Variants in CDK17 observed in about 807,000 individuals in gnomAD.
CDK17 encodes cyclin dependent kinase 17.
CDK17 carries 24 observed loss-of-function variants against 77.6 expected under a neutral mutation model. The observed-to-expected ratio is 0.31, with a 90% CI of 0.22 to 0.44. CDK17 has a LOEUF of 0.44. CDK17 is among the 20% of genes least tolerant of loss of function. The pLI is 1.00. For synonymous variants in CDK17, 203 were observed against 210.4 expected, an observed-to-expected ratio of 0.96 and a Z score of 0.30; for missense variants, 429 against 622.5, an observed-to-expected ratio of 0.69 and a Z score of 3.31.
chr12:96,295,975 C>CA (rs1278180051), intron 9 of CDK17, among the ~76,000 whole-genome samples: 1 of 152,172 alleles, frequency 6.6e-6, no homozygotes, highest in East Asian at 1.9e-4. Context: ...GGCATCCGAA[C>CA]ACTGAGGCAG....
intron 11 of CDK17, among the ~76,000 whole-genome samples, chr12:96,287,696 C>A (rs1952264826): frequency 6.6e-6 from 1 of 151,850 alleles, no homozygotes; most frequent in Non-Finnish European, 1.5e-5. Context: ...AAAGCAGGGT[C>A]CTGAAAAGGT....
chr12:96,346,110 G>A (rs959053750), intron 1 of CDK17, among the ~76,000 whole-genome samples: 1 of 152,162 alleles, frequency 6.6e-6, no homozygotes, highest in African/African-American at 2.4e-5. Flanking sequence ...GTGAGGTCAG[G>A]AGTTCAAGAC....
chr12:96,354,492 C>T (rs1015697692), intron 1 of CDK17, among the ~76,000 whole-genome samples: 3 of 152,186 alleles, frequency 2.0e-5, no homozygotes, highest in African/African-American at 2.4e-5. Flanking sequence ...CAATGCATCA[C>T]CAAAGCCTTC....
chr12:96,305,725 C>CT (rs566356134), intron 5 of CDK17, among the ~76,000 whole-genome samples: 1,539 of 150,974 alleles, frequency 0.01, 43 homozygotes, highest in Admixed American at 0.061. Flanking sequence ...TGGCCACCCC[C>CT]TTTTTTTTTG....
At chr12:96,350,837 CA>C (rs1314619312) in intron 1 of CDK17, among the ~76,000 whole-genome samples, 2 of 151,822 alleles carry the variant, frequency 1.3e-5, no homozygotes, top group Non-Finnish European at 2.9e-5. Context: ...GCACAGGCAA[CA>C]ACAAAAAAGA....
Position 96,330,726 on chromosome 12 carries a change from C to A in CDK17, c.118+3993G>T, listed in dbSNP as rs75578642. 3.9e-5 allele frequency among the ~76,000 whole-genome samples: 6 copies of A among 152,238 alleles called. No individual in the cohort carries two copies. The East Asian group carries it at 1.2e-3, about 29-fold the overall frequency. On this transcript the variant is annotated intron_variant, in intron 2 of 16. Transcript: ENST00000261211. ...ATAATATTCCATTCTATGGACAGACCACATTCTGTTTATCCATTCATCTGT... is the reference window on the plus strand; with the variant it reads ...ATAATATTCCATTCTATGGACAGACAACATTCTGTTTATCCATTCATCTGT...
intron 1 of CDK17, among the ~76,000 whole-genome samples, chr12:96,337,852 A>T (rs540205798): frequency 2.6e-5 from 4 of 152,284 alleles, no homozygotes; most frequent in African/African-American, 9.6e-5. Flanking sequence ...ATAACTAGGG[A>T]GGCTTGGGGT....
At chr12:96,373,454 C>A (rs372292036) in intron 1 of CDK17, among the ~76,000 whole-genome samples, 4 of 151,894 alleles carry the variant, frequency 2.6e-5, no homozygotes, top group African/African-American at 9.7e-5. Context: ...ATTAGCCGGG[C>A]GTGGTGGCAG....
At chr12:96,365,337 T>C (rs1281495394) in intron 1 of CDK17, among the ~76,000 whole-genome samples, 1 of 152,142 alleles carries the variant, frequency 6.6e-6, no homozygotes, top group Non-Finnish European at 1.5e-5. Context: ...AACAATTCTA[T>C]GAAGTAAAAA....
chr12:96,333,108 TA>T (rs1271357000), intron 2 of CDK17, among the ~76,000 whole-genome samples: 1 of 151,920 alleles, frequency 6.6e-6, no homozygotes, highest in Non-Finnish European at 1.5e-5. Flanking sequence ...CCTTCTATCC[TA>T]AGAGTAGGCA....
At chr12:96,316,019 G>A (rs1237596739) in intron 3 of CDK17, among the ~76,000 whole-genome samples, 2 of 152,216 alleles carry the variant, frequency 1.3e-5, no homozygotes, top group East Asian at 1.9e-4. Flanking sequence ...GAAGACGGGT[G>A]ATTTCTGCAT....
chr12:96,386,734 G>T (rs1953982622), intron 1 of CDK17: 1 of 152,290 alleles, frequency 6.6e-6, no homozygotes, highest in Non-Finnish European at 1.5e-5. Context: ...TTTTTTGATA[G>T]AAAAAAATTT....
chr12:96,330,437 A>C (rs1285632707), intron 2 of CDK17, among the ~76,000 whole-genome samples: 7 of 152,200 alleles, frequency 4.6e-5, no homozygotes, highest in African/African-American at 1.7e-4. Context: ...ATATACTTAC[A>C]ATGTGGTACA....
intron 5 of CDK17, among the ~76,000 whole-genome samples, chr12:96,305,275 G>C (rs1485457827): frequency 6.6e-6 from 1 of 152,162 alleles, no homozygotes; most frequent in African/African-American, 2.4e-5. Context: ...TGGTATCCTG[G>C]AGGGAGTATC....
At chr12:96,323,814 C>CT in intron 3 of CDK17, 134 bp downstream of exon 3, 1 of 564,748 alleles carries the variant, frequency 1.8e-6, no homozygotes. Flanking sequence ...CATCCTTCTG[C>CT]TATTCCTCTT....
chr12:96,324,711 G>A (rs1236504845), intron 2 of CDK17, among the ~76,000 whole-genome samples: 1 of 151,786 alleles, frequency 6.6e-6, no homozygotes, highest in African/African-American at 2.4e-5. Flanking sequence ...AGGTTGCAGT[G>A]AGCCAAGATC....
At chr12:96,341,717 A>G (rs948118564) in intron 1 of CDK17, among the ~76,000 whole-genome samples, 7 of 152,192 alleles carry the variant, frequency 4.6e-5, no homozygotes, top group Non-Finnish European at 1.0e-4. Context: ...TATGCATACC[A>G]TACACTGTTT....
chr12:96,354,698 T>C (rs147674341), intron 1 of CDK17, among the ~76,000 whole-genome samples: 205 of 152,098 alleles, frequency 1.3e-3, no homozygotes, highest in African/African-American at 4.8e-3. Flanking sequence ...CTTGGCAACA[T>C]AGTGAGACCC....
At chr12:96,343,944 A>C (rs535555218) in intron 1 of CDK17, among the ~76,000 whole-genome samples, 4 of 152,256 alleles carry the variant, frequency 2.6e-5, no homozygotes, top group Non-Finnish European at 5.9e-5. Context: ...CAAAGAGCTG[A>C]AGGAAATCAG....
Sources: gnomAD v4.1 joint callset for allele counts (sites outside exome capture counted in the v4.1 genomes callset) on GRCh38, gnomAD v4.1.1 for gene constraint, MANE v1.5 for transcripts, NCBI Gene and HGNC (gene_info 2026-07-23, HGNC 2026-07-21) for gene names.